The following TG variants were observed in gnomAD, a reference collection of about 807,000 sequenced individuals.
TG encodes the protein thyroid hormones.
TG carries 270 observed loss-of-function variants against 324.7 expected under a neutral mutation model. The observed-to-expected ratio is 0.83, with a 90% CI of 0.75 to 0.92. The LOEUF is 0.92. Among genes scored for constraint, TG ranks in the 40% least tolerant of loss-of-function variants. The probability of loss-of-function intolerance (pLI) is 0.00; values close to 1 mark genes in which losing one functional copy is unlikely to be tolerated. For synonymous variants in TG, 1,401 were observed against 1,327.0 expected (o/e 1.06, Z -1.21); for missense variants, 3,591 against 3,456.4 (o/e 1.04, Z -0.98).
chr8:133,088,316 A>C (rs1846945459), intron 41 of TG, among the ~76,000 whole-genome samples: 1 of 152,022 alleles, frequency 6.6e-6, no homozygotes. Context: ...AACCTTGCTG[A>C]TGAGTGGCCA....
chr8:132,958,831 CA>C (rs1399852295), intron 27 of TG, among the ~76,000 whole-genome samples: 2 of 152,084 alleles, frequency 1.3e-5, no homozygotes, highest in East Asian at 3.9e-4. Context: ...AAACGGAACA[CA>C]AACTGAGCAG....
chr8:132,877,663 G>C (rs1047914579), intron 5 of TG, among the ~76,000 whole-genome samples: 1 of 152,132 alleles, frequency 6.6e-6, no homozygotes, highest in African/African-American at 2.4e-5. Context: ...TCTCTGTCTA[G>C]GTTGGCTGTA....
intron 35 of TG, among the ~76,000 whole-genome samples, chr8:133,004,947 G>A (rs1182629744): frequency 6.6e-6 from 1 of 152,196 alleles, no homozygotes; most frequent in Non-Finnish European, 1.5e-5. Context: ...AGTTCCTAGA[G>A]GGGCTGAGCA....
intron 27 of TG, among the ~76,000 whole-genome samples, chr8:132,959,683 A>C (rs1346957443): frequency 2.0e-5 from 3 of 152,172 alleles, no homozygotes. Context: ...ATGGGATTTG[A>C]AGCCAAATAG....
chr8:133,111,458 AT>A (rs1226144055), intron 43 of TG, among the ~76,000 whole-genome samples: 1 of 152,212 alleles, frequency 6.6e-6, no homozygotes, highest in Non-Finnish European at 1.5e-5. Flanking sequence ...TACTAATATC[AT>A]TTTTGTAATG....
rs1825191684 is a variant in TG, at chr8:132,945,878, C to T, written c.5234-2898C>T. On this transcript the variant is annotated intron_variant, in intron 26 of 47. Coordinates refer to ENST00000220616, the MANE Select transcript of TG (RefSeq NM_003235.5). The stretch of plus-strand genomic sequence containing the variant: ...GATTCCTGAAAAATGCTGAGTTTAG[C>T]TCACAGTGGTTGAGGTGGCTAAAAT... Among the ~76,000 whole-genome samples, 3 of 152,112 alleles carry T rather than the reference C, an allele frequency of 2.0e-5. 1 individual carries two copies. In the South Asian group the frequency reaches 6.2e-4, roughly 32 times the overall value.
At chr8:133,088,953 C>T (rs1033826246) in intron 41 of TG, among the ~76,000 whole-genome samples, 127 of 152,296 alleles carry the variant, frequency 8.3e-4, no homozygotes, top group African/African-American at 2.9e-3. Context: ...TAAAAAAAGT[C>T]CATCTGTGCT....
At chr8:132,977,416 G>A (rs1466517778) in intron 34 of TG, among the ~76,000 whole-genome samples, 3 of 152,066 alleles carry the variant, frequency 2.0e-5, no homozygotes, top group Non-Finnish European at 2.9e-5. Flanking sequence ...TTAGTATAGT[G>A]ACATCTATAC....
At chr8:133,093,704 A>T (rs1847948505) in intron 41 of TG, among the ~76,000 whole-genome samples, 1 of 152,126 alleles carries the variant, frequency 6.6e-6, no homozygotes, top group South Asian at 2.1e-4. Context: ...CTTGAGCTTG[A>T]CAATAAACAG....
chr8:132,900,691 A>G (rs1817792311), intron 15 of TG, among the ~76,000 whole-genome samples: 1 of 152,194 alleles, frequency 6.6e-6, no homozygotes, highest in South Asian at 2.1e-4. Context: ...GATGTCCCCA[A>G]AGGGCAATGT....
Position 132,908,612 on chromosome 8 carries a change from A to C in TG, c.4002+272A>C, listed in dbSNP as rs550065355. ...TCTTTTGATGTCAAGGCTGAGGTCT[A>C]GTAGAGGGCTCAGAGGAGCCTGGCT... On this transcript the variant is annotated intron_variant, in intron 18 of 47. Coordinates refer to ENST00000220616, the MANE Select transcript of TG (RefSeq NM_003235.5). Among the ~76,000 whole-genome samples the C allele has an allele frequency of 1.2e-4, 19 of 152,238 alleles. No homozygotes were observed. The South Asian group carries it at 3.9e-3, about 32-fold the overall frequency.
intron 35 of TG, among the ~76,000 whole-genome samples, chr8:133,008,123 A>G (rs1054881246): frequency 2.0e-5 from 3 of 152,278 alleles, no homozygotes; most frequent in African/African-American, 7.2e-5. Flanking sequence ...ATTAAATAAC[A>G]TTCAAATCAA....
At chr8:132,896,761 C>T (rs1229159595) in intron 11 of TG, among the ~76,000 whole-genome samples, 2 of 152,188 alleles carry the variant, frequency 1.3e-5, no homozygotes, top group Non-Finnish European at 2.9e-5. Flanking sequence ...GAGCCAGACA[C>T]TCCTCTACAT....
intron 31 of TG, among the ~76,000 whole-genome samples, chr8:132,968,866 C>A (rs1251054425): frequency 1.3e-5 from 2 of 152,192 alleles, no homozygotes; most frequent in Non-Finnish European, 2.9e-5. Flanking sequence ...ATTCATTATG[C>A]AGGCTGACTT....
intron 41 of TG, among the ~76,000 whole-genome samples, chr8:133,034,296 T>C: frequency 6.6e-6 from 1 of 152,232 alleles, no homozygotes; most frequent in East Asian, 1.9e-4. Context: ...TTTGCCTTGT[T>C]AGGTCTTTTT....
At chr8:133,039,907 G>C in intron 41 of TG, 2 of 1,492,164 alleles carry the variant, frequency 1.3e-6, no homozygotes, top group Non-Finnish European at 1.8e-6. Flanking sequence ...TCATGTGCTC[G>C]GCACACACAC....
intron 39 of TG, 112 bp from the exon 40 acceptor site, chr8:133,021,879 A>T: frequency 3.7e-6 from 5 of 1,335,878 alleles, no homozygotes; most frequent in Non-Finnish European, 5.3e-6. Flanking sequence ...CATGGGGCTA[A>T]GTATGCCACA....
At chr8:133,003,410 A>AT (rs568961549) in intron 35 of TG, among the ~76,000 whole-genome samples, 5,265 of 138,796 alleles carry the variant, frequency 0.038, 171 homozygotes, top group African/African-American at 0.092. Context: ...TCGGATACTT[A>AT]TTTTTTTTTT....
intron 43 of TG, chr8:133,106,342 C>T: frequency 3.2e-6 from 3 of 930,698 alleles, no homozygotes; most frequent in Non-Finnish European, 3.8e-6. Flanking sequence ...TACTGAGGCT[C>T]TGCAGTGCCT....
Sources: gnomAD v4.1 joint callset for allele counts (sites outside exome capture counted in the v4.1 genomes callset) on GRCh38, gnomAD v4.1.1 for gene constraint, MANE v1.5 for transcripts, NCBI Gene and HGNC (gene_info 2026-07-23, HGNC 2026-07-21) for gene names.